Variants in DNAH3 observed in about 807,000 individuals in gnomAD.
The protein encoded by DNAH3 is axonemal beta dynein heavy chain 3.
Under a neutral mutation model 432.5 loss-of-function variants are expected in DNAH3, and 332 were observed. That is an observed-to-expected ratio of 0.77 (90% CI 0.70 to 0.84). The LOEUF is 0.84. Ranked by LOEUF, DNAH3 falls within the 40% of genes least tolerant of loss-of-function variation. The pLI, the probability that DNAH3 is intolerant of heterozygous loss-of-function variation, is 0.00. For missense variants in DNAH3, 4,861 were observed against 5,114.0 expected (o/e 0.95, Z 1.51); for synonymous variants, 1,956 against 1,900.2 (o/e 1.03, Z -0.76).
Position 21,125,281 on chromosome 16 carries a change from T to C in DNAH3, c.1298A>G (p.Asn433Ser), listed in dbSNP as rs199824753. ...CACAGAAGCAAAATATTCCTCAATGTTTCGACTTGAGTCATAGTTGCTCTT... is the reference window on the plus strand; with the variant it reads ...CACAGAAGCAAAATATTCCTCAATGCTTCGACTTGAGTCATAGTTGCTCTT... The change falls in exon 9 of 62, where the codon AAC (asparagine) becomes AGC (serine). Residue 433 changes from asparagine (N) to serine (S), a missense_variant. Physicochemically the swap from Asn to Ser is conservative, Grantham distance 46. Coordinates refer to ENST00000261383, the Ensembl canonical transcript of DNAH3. The C allele has an allele frequency of 4.2e-5, 67 of 1,613,720 alleles. No homozygotes were observed. Among genetic ancestry groups the C allele is most frequent in the Admixed American group, 1.7e-5 (1 of 59,944 alleles).
intron 16 of DNAH3, among the ~76,000 whole-genome samples, chr16:21,101,881 T>G (rs956064715): frequency 8.5e-5 from 13 of 152,138 alleles, no homozygotes; most frequent in African/African-American, 3.1e-4. Flanking sequence ...AATCCAACAC[T>G]GCAGATTGGG....
chr16:21,067,772 G>GGGGGGGAGGGAGGGT (rs1555545837), intron 23 of DNAH3, among the ~76,000 whole-genome samples: 1 of 23,718 alleles, frequency 4.2e-5, no homozygotes, highest in Non-Finnish European at 7.1e-5. Flanking sequence ...GGGGGGGTGG[G>GGGGGGGAGGGAGGGT]GAGGGAGAGA....
chr16:21,147,889 C>A (rs1156894391), intron 1 of DNAH3, among the ~76,000 whole-genome samples: 1 of 152,202 alleles, frequency 6.6e-6, no homozygotes, highest in Non-Finnish European at 1.5e-5. Flanking sequence ...GGAGAAACTG[C>A]AACTTGTTCC....
At chr16:20,964,996 T>C (rs747393805) in exon 53 of DNAH3, 1 of 1,614,154 alleles carries the variant, frequency 6.2e-7, no homozygotes, top group South Asian at 1.1e-5. Context: ...CCTGACCAGC[T>C]TTTGGGAGCA....
chr16:21,021,886 G>C, intron 40 of DNAH3, 85 bp downstream of exon 40: 1 of 1,490,150 alleles, frequency 6.7e-7, no homozygotes. Flanking sequence ...CTTGGTGACA[G>C]AGTGAGACTT....
At chr16:21,021,387 G>A (rs556002336) in intron 40 of DNAH3, among the ~76,000 whole-genome samples, 1 of 152,262 alleles carries the variant, frequency 6.6e-6, no homozygotes, top group Admixed American at 6.5e-5. Context: ...GAGGTAAAAA[G>A]GGCAGGAATT....
At chr16:20,937,082 A>G (rs1445864278) in intron 59 of DNAH3, among the ~76,000 whole-genome samples, 2 of 152,204 alleles carry the variant, frequency 1.3e-5, no homozygotes, top group Non-Finnish European at 2.9e-5. Context: ...ATACTATATT[A>G]TCTTTCCGTA....
At chr16:21,153,348 G>A (rs1245451045) in intron 1 of DNAH3, among the ~76,000 whole-genome samples, 1 of 152,118 alleles carries the variant, frequency 6.6e-6, no homozygotes, top group Admixed American at 6.5e-5. Context: ...AGCTATTCTG[G>A]TGGGGCCTTG....
rs753910707 is a variant in DNAH3 at position 21,058,203 on chromosome 16, A to G, written c.3814-7T>C. On this transcript the variant is annotated splice_region_variant and splice_polypyrimidine_tract_variant and intron_variant, in intron 26 of 61. Transcript: ENST00000261383. Reference sequence around the variant, plus strand: ...CCCAGTGATTTCGAGGGACCTGGAAAAGCACAGTGGGCATGTTATAGGATC... The same window carrying G: ...CCCAGTGATTTCGAGGGACCTGGAAGAGCACAGTGGGCATGTTATAGGATC... The G allele has an allele frequency of 6.4e-7, 1 of 1,553,382 alleles. No individual in the cohort carries two copies. Among genetic ancestry groups the G allele is most frequent in the South Asian group, 1.1e-5 (1 of 89,824 alleles).
At chr16:21,154,712 G>A (rs554872614) in intron 1 of DNAH3, among the ~76,000 whole-genome samples, 11 of 152,292 alleles carry the variant, frequency 7.2e-5, no homozygotes, top group African/African-American at 2.6e-4. Context: ...TAGTCACACA[G>A]CTAGGTCATC....
chr16:20,988,082 A>C lies in DNAH3; in HGVS notation c.6602-17T>G. 6.2e-7 allele frequency: 1 copy of C among 1,613,382 alleles called. No homozygotes were observed. Among genetic ancestry groups the C allele is most frequent in the Non-Finnish European group, 8.5e-7 (1 of 1,179,922 alleles). Reference sequence around the variant, plus strand: ...TGAATCGTCCTGGGGAATACAACACACAAGTGAATCATCCTGGAAAACACA... The same window carrying C: ...TGAATCGTCCTGGGGAATACAACACCCAAGTGAATCATCCTGGAAAACACA... On this transcript the variant is annotated splice_polypyrimidine_tract_variant and intron_variant, in intron 44 of 61. Transcript: ENST00000261383.
At chr16:21,111,882 A>G (rs1461081367) in intron 13 of DNAH3, 78 bp from the exon 14 acceptor site, 52 of 1,569,664 alleles carry the variant, frequency 3.3e-5, no homozygotes, top group Non-Finnish European at 4.1e-5. Flanking sequence ...CCCCTGGCCA[A>G]CCCTAGTCCA....
At chr16:20,985,134 G>A in exon 48 of DNAH3, 2 of 1,614,108 alleles carry the variant, frequency 1.2e-6, no homozygotes, top group Non-Finnish European at 1.7e-6. Context: ...TCTCTCCTTG[G>A]GTCCTGGCTG....
intron 51 of DNAH3, among the ~76,000 whole-genome samples, chr16:20,972,372 G>A (rs2085381930): frequency 6.6e-6 from 1 of 151,984 alleles, no homozygotes; most frequent in Non-Finnish European, 1.5e-5. Context: ...GACCGCAGGT[G>A]TGCTCCACTG....
At chr16:21,015,546 A>G (rs1328658875) in intron 41 of DNAH3, among the ~76,000 whole-genome samples, 1 of 152,188 alleles carries the variant, frequency 6.6e-6, no homozygotes, top group African/African-American at 2.4e-5. Context: ...CTTAACATAC[A>G]CTATGAACTT....
chr16:20,973,369 C>T (rs1438759412), intron 51 of DNAH3, among the ~76,000 whole-genome samples: 3 of 152,124 alleles, frequency 2.0e-5, no homozygotes, highest in Non-Finnish European at 4.4e-5. Context: ...TCTCCCACCT[C>T]AGCCTCCTGA....
rs2091393428 is a variant in DNAH3 at position 21,086,886 on chromosome 16, G to A, written c.2840C>T (p.Ser947Phe). 1.2e-6 allele frequency: 2 copies of A among 1,614,178 alleles called. 1 individual carries two copies. The highest frequency in any genetic ancestry group is 2.2e-5 in the South Asian group (2 of 91,078). ...TCGGTCTTTCATTCCTGGGTTGCAG[G>A]AAATACTGAGGATGGGAATGTACTG... Residue 947 changes from serine (S) to phenylalanine (F), a missense_variant, in exon 19 of 62, where the codon TCC becomes TTC. Coordinates refer to ENST00000261383, the Ensembl canonical transcript of DNAH3.
exon 18 of DNAH3, chr16:21,097,465 T>A: frequency 6.2e-7 from 1 of 1,613,948 alleles, no homozygotes; most frequent in Non-Finnish European, 8.5e-7. Flanking sequence ...AGTACTCTTC[T>A]CCTTTTCCAA....
chr16:20,964,210 A>G lies in DNAH3; in HGVS notation c.9674T>C (p.Ile3225Thr), dbSNP rs748359262. The change falls in exon 53 of 62, where the codon ATT becomes ACT. Residue 3225 changes from isoleucine (I) to threonine (T), a missense_variant. Ile to Thr is a moderately conservative substitution (Grantham distance 89). Coordinates refer to ENST00000261383, the Ensembl canonical transcript of DNAH3. ...CTTCTTGTTCTTGGCACTTTCCACA[A>G]TCAACTGGTTCTTTTTCTCTTCCAG... 12 of 1,613,946 alleles carry G rather than the reference A, an allele frequency of 7.4e-6. No individual in the cohort carries two copies. The Admixed American group carries it at 1.8e-4, about 25-fold the overall frequency.
Sources: gnomAD v4.1 joint callset for allele counts (sites outside exome capture counted in the v4.1 genomes callset) on GRCh38, gnomAD v4.1.1 for gene constraint, MANE v1.5 for transcripts, NCBI Gene and HGNC (gene_info 2026-07-23, HGNC 2026-07-21) for gene names.